The following QTRT2 variants were observed in gnomAD, a reference collection of about 807,000 sequenced individuals.
QTRT2 encodes queuine tRNA-ribosyltransferase domain containing 1.
A neutral mutation model predicts 44.8 loss-of-function variants in QTRT2; 32 were observed. The ratio of observed to expected loss-of-function variants is 0.71; its 90% CI spans 0.54 to 0.96. The LOEUF (loss-of-function observed/expected upper bound fraction) is 0.96. Among genes scored for constraint, QTRT2 ranks in the 40% least tolerant of loss-of-function variants. The pLI, the probability that QTRT2 is intolerant of heterozygous loss-of-function variation, is 0.00. For synonymous variants in QTRT2, 182 were observed against 187.4 expected (o/e 0.97, Z 0.24); for missense variants, 461 against 503.1 (o/e 0.92, Z 0.80).
chr3:114,059,426 G>T (rs139675279), intron 2 of QTRT2, among the ~76,000 whole-genome samples: 16 of 152,246 alleles, frequency 1.1e-4, no homozygotes, highest in Middle Eastern at 3.4e-3. Context: ...CACTCTCAAA[G>T]CATGTTTTTA....
At chr3:114,062,040 A>G (rs1676003497) in intron 2 of QTRT2, among the ~76,000 whole-genome samples, 1 of 150,476 alleles carries the variant, frequency 6.6e-6, no homozygotes, top group Non-Finnish European at 1.5e-5. Context: ...ATCTGAATGC[A>G]TCTCCTAGCA....
intron 6 of QTRT2, among the ~76,000 whole-genome samples, chr3:114,074,822 T>G (rs769325561): frequency 6.6e-5 from 10 of 152,264 alleles, no homozygotes; most frequent in Non-Finnish European, 1.0e-4. Context: ...GCAATTTGCT[T>G]GTTTTTCATT....
Position 114,067,367 on chromosome 3 carries a change from C to T in QTRT2, c.257-620C>T, listed in dbSNP as rs149429425. Among the ~76,000 whole-genome samples the T allele has an allele frequency of 1.1e-4, 17 of 152,042 alleles. No homozygotes were observed. The South Asian group carries it at 1.9e-3, about 17-fold the overall frequency. On this transcript the variant is annotated intron_variant, in intron 4 of 9. Coordinates refer to ENST00000281273, the MANE Select transcript of QTRT2 (RefSeq NM_024638.4). ...TGGAATCCTGTTTTATTTTCCTTAA[C>T]GAAAATGTGGGCTAGCATATGATAT...
In QTRT2 at chr3:114,060,529, TAGATAGATAGATAGATA is replaced by T. The variant is rs1284754984; in HGVS notation, c.-22+3432_-22+3448del. On this transcript the variant is annotated intron_variant, in intron 2 of 9. Transcript: ENST00000281273. ...ATAGATAGATAGATAGATAGATAGATAGATAGATAGATAGATAAGATAGATTAGATAGATAGATTAGA... is the reference window on the plus strand; with the variant it reads ...ATAGATAGATAGATAGATAGATAGATAGATAGATTAGATAGATAGATTAGA... Among the ~76,000 whole-genome samples, 1,205 of 142,666 alleles carry T rather than the reference TAGATAGATAGATAGATA, an allele frequency of 8.4e-3. 10 individuals are homozygous for T. The highest frequency in any genetic ancestry group is 0.027 in the African/African-American group (1,051 of 39,540). The allele number at this position is 142,666 out of a possible 152,430, so 93.6% of individuals were successfully genotyped here.
rs568188310 is a variant in QTRT2, at chr3:114,086,664, G to A, written c.*760G>A. ...CCAGGCTCATTAATAGTCTAACTAC[G>A]TAATAACTGAAGACCTATCTCTTGT... On this transcript the variant is annotated 3_prime_UTR_variant, in exon 10 of 10. Transcript: ENST00000281273. 4.6e-5 allele frequency: 7 copies of A among 152,528 alleles called. No individual in the cohort carries two copies. The highest frequency in any genetic ancestry group is 2.1e-4 in the South Asian group (1 of 4,832). The allele number at this position is 152,528 out of a possible 1,614,324, so 9.4% of individuals were successfully genotyped here.
chr3:114,079,763 T>G, intron 7 of QTRT2, 143 bp from the exon 8 acceptor site: 1 of 673,562 alleles, frequency 1.5e-6, no homozygotes, highest in East Asian at 3.1e-5. Context: ...CTGCTGCATG[T>G]TGCTGTCCAC....
chr3:114,082,489 A>G (rs566197311), intron 8 of QTRT2, 188 bp from the exon 9 acceptor site: 74 of 375,742 alleles, frequency 2.0e-4, no homozygotes, highest in Non-Finnish European at 3.5e-4. Flanking sequence ...GGTGTTGTAG[A>G]TAAGAGGACG....
chr3:114,058,949 A>G (rs956356666), intron 2 of QTRT2, among the ~76,000 whole-genome samples: 2 of 152,228 alleles, frequency 1.3e-5, no homozygotes, highest in Non-Finnish European at 2.9e-5. Flanking sequence ...CATGTGTGGG[A>G]GAGAGGGGTA....
At chr3:114,059,617 TA>T (rs1553756832) in intron 2 of QTRT2, among the ~76,000 whole-genome samples, 1 of 151,956 alleles carries the variant, frequency 6.6e-6, no homozygotes, top group Non-Finnish European at 1.5e-5. Context: ...TCCATTTTTT[TA>T]AAAAAAATAT....
At chr3:114,081,188 G>T (rs1234437216) in intron 8 of QTRT2, among the ~76,000 whole-genome samples, 1 of 151,860 alleles carries the variant, frequency 6.6e-6, no homozygotes, top group Non-Finnish European at 1.5e-5. Flanking sequence ...ATTTCTTCAT[G>T]ATTAGGAAAA....
At chr3:114,062,960 T>C (rs1260131095) in intron 2 of QTRT2, among the ~76,000 whole-genome samples, 2 of 152,202 alleles carry the variant, frequency 1.3e-5, no homozygotes, top group Non-Finnish European at 2.9e-5. Context: ...AAGATAGAAT[T>C]TTTGGAGGAG....
chr3:114,079,857 C>T, intron 7 of QTRT2, 49 bp from the exon 8 acceptor site: 3 of 1,573,646 alleles, frequency 1.9e-6, no homozygotes, highest in African/African-American at 1.4e-5. Context: ...TTTCTGATTT[C>T]CTTCCTTGCA....
chr3:114,062,368 CAAAAAAAA>C (rs143192501), intron 2 of QTRT2, among the ~76,000 whole-genome samples: 1 of 86,180 alleles, frequency 1.2e-5, no homozygotes, highest in Non-Finnish European at 2.3e-5. Context: ...GACCTTGTCT[CAAAAAAAA>C]AAAAAAAAAA....
At chr3:114,084,404 G>A (rs1296533149) in intron 9 of QTRT2, among the ~76,000 whole-genome samples, 1 of 152,104 alleles carries the variant, frequency 6.6e-6, no homozygotes, top group African/African-American at 2.4e-5. Flanking sequence ...GATCACTTGA[G>A]CCCAGGAGTT....
chr3:114,074,781 G>A (rs573287540), intron 6 of QTRT2, among the ~76,000 whole-genome samples: 1 of 152,156 alleles, frequency 6.6e-6, no homozygotes, highest in Admixed American at 6.5e-5. Flanking sequence ...GATATACATG[G>A]CTGTATTACA....
rs542150276 is a variant in QTRT2 at position 114,085,442 on chromosome 3, G to A, written c.1017-231G>A. Among the ~76,000 whole-genome samples, 6 of 152,236 alleles carry A rather than the reference G, an allele frequency of 3.9e-5. No homozygotes were observed. The East Asian group carries it at 7.7e-4, about 20-fold the overall frequency. ...AGGCTGGTCTTGAACTCCTGACCTC[G>A]TGATCCGCCTGCCCCGGCCTCCCAA... On this transcript the variant is annotated intron_variant, in intron 9 of 9. Coordinates refer to ENST00000281273, the MANE Select transcript of QTRT2 (RefSeq NM_024638.4).
rs544943237 is a variant in QTRT2, at chr3:114,067,882, G to C, written c.257-105G>C. ...AGATACAACCTATTGACAGTGTTTA[G>C]AGTTGCTTTATTCAGCAGTACACAT... is the stretch of plus-strand genomic sequence containing the variant. On this transcript the variant is annotated intron_variant, in intron 4 of 9. Coordinates refer to ENST00000281273, the MANE Select transcript of QTRT2 (RefSeq NM_024638.4). 79 of 867,236 alleles carry C rather than the reference G, an allele frequency of 9.1e-5. No individual in the cohort carries two copies. The South Asian group carries it at 1.1e-3, about 12-fold the overall frequency. The allele number at this position is 867,236 out of a possible 1,614,324, so 53.7% of individuals were successfully genotyped here. A position where few individuals can be genotyped will look rare whatever the true frequency, so the allele number is the denominator to read the frequency against.
At position 114,056,990 on chromosome 3, in the gene QTRT2, C is replaced by T. The variant is rs911092497; in HGVS notation, c.-129-9C>T. ...ACTCCCGCCATGTCTCCTCTGCTTCCCTTTTCAGGGTGTCCTGGTGGATTG... is the reference window on the plus strand; with the variant it reads ...ACTCCCGCCATGTCTCCTCTGCTTCTCTTTTCAGGGTGTCCTGGTGGATTG... On this transcript the variant is annotated splice_polypyrimidine_tract_variant and intron_variant, in intron 1 of 9. Coordinates refer to ENST00000281273, the MANE Select transcript of QTRT2 (RefSeq NM_024638.4). 5.5e-5 allele frequency: 80 copies of T among 1,447,772 alleles called. No individual in the cohort carries two copies. The highest frequency in any genetic ancestry group is 6.7e-5 in the Non-Finnish European group (74 of 1,104,838). The allele number at this position is 1,447,772 out of a possible 1,614,324, so 89.7% of individuals were successfully genotyped here.
intron 5 of QTRT2, 69 bp from the exon 6 acceptor site, chr3:114,070,557 C>A: frequency 2.2e-6 from 3 of 1,333,522 alleles, no homozygotes; most frequent in Non-Finnish European, 3.2e-6. Flanking sequence ...ATTGCTTTAT[C>A]ATTTTAATTA....
Sources: allele counts gnomAD v4.1 joint callset (sites outside exome capture counted in the v4.1 genomes callset), GRCh38; gene constraint gnomAD v4.1.1; transcripts MANE v1.5; gene names NCBI Gene and HGNC (gene_info 2026-07-23, HGNC 2026-07-21).